SERINC4: variants seen among roughly 807,000 people sequenced by gnomAD.
SERINC4 encodes the protein serine incorporator 4.
In SERINC4, 52 loss-of-function variants were observed where a neutral mutation model predicts 52.0. The ratio of observed to expected loss-of-function variants is 1.00; its 90% CI spans 0.80 to 1.26. The LOEUF (loss-of-function observed/expected upper bound fraction) is 1.26, where lower values mean the gene tolerates loss of function less well. Ranked by LOEUF, SERINC4 falls within the 50% of genes most tolerant of loss-of-function variation. The pLI is 0.00. For missense variants in SERINC4, 723 were observed against 632.8 expected (o/e 1.14, Z -1.53); for synonymous variants, 264 against 247.7 (o/e 1.07, Z -0.62).
chr15:43,795,807 C>G, intron 9 of SERINC4, 71 bp from the exon 10 acceptor site: 1 of 1,518,572 alleles, frequency 6.6e-7, no homozygotes, highest in Non-Finnish European at 9.0e-7. Context: ...AAACTTCCCC[C>G]GTGAAAAGAT....
Position 43,795,375 on chromosome 15 carries a change from C to T in SERINC4, c.1343+13G>A. 1 of 1,614,002 alleles carries T rather than the reference C, an allele frequency of 6.2e-7. No homozygotes were observed. Among genetic ancestry groups the T allele is most frequent in the Non-Finnish European group, 8.5e-7 (1 of 1,179,882 alleles). ...GCTCTTCAGGAGAGTATCTAAGGCC[C>T]ACTCCATCTTACCTGAACCAGTTGG... On this transcript the variant is annotated intron_variant, in intron 11 of 11. Coordinates refer to ENST00000319327, the MANE Select transcript of SERINC4 (RefSeq NM_001258031.2).
rs1274038750 is a variant in SERINC4 at position 43,797,307 on chromosome 15, C to G, written c.682G>C (p.Ala228Pro). The change falls in exon 6 of 12, where the codon GCC becomes CCC. Residue 228 changes from alanine to proline, a missense_variant. By Grantham distance (27) the Ala-to-Pro change is conservative. Coordinates refer to ENST00000319327, the MANE Select transcript of SERINC4 (RefSeq NM_001258031.2). ...DCSWFLAVLLATLGFYSMAGV... is the reference protein window; with the variant it reads ...DCSWFLAVLLPTLGFYSMAGV... Reference sequence around the variant, plus strand: ...GCCATGCTGTAGAATCCTAGGGTGGCCAGCAGGACAGCCAGGAACCAGCTA... The same window carrying G: ...GCCATGCTGTAGAATCCTAGGGTGGGCAGCAGGACAGCCAGGAACCAGCTA... The G allele has an allele frequency of 2.6e-6, 4 of 1,549,320 alleles. No individual in the cohort carries two copies. The highest frequency in any genetic ancestry group is 1.4e-5 in the African/African-American group (1 of 72,978).
chr15:43,796,877 A>G lies in SERINC4; in HGVS notation c.908T>C (p.Phe303Ser). Residue 303 changes from phenylalanine to serine, a missense_variant, in exon 7 of 12, where the codon TTC (phenylalanine) becomes TCC (serine). Physicochemically the swap from Phe to Ser is radical, Grantham distance 155. Coordinates refer to ENST00000319327, the MANE Select transcript of SERINC4 (RefSeq NM_001258031.2). Reference protein sequence around the residue: ...VISCYIMYLTFSALSSRPPER... With the variant: ...VISCYIMYLTSSALSSRPPER... ...TGGAGGACGGCTGGACAGTGCAGAG[A>G]AAGTCAGATACATGATATAGCAGCT... is the stretch of plus-strand genomic sequence containing the variant. 1 of 1,614,118 alleles carries G rather than the reference A, an allele frequency of 6.2e-7. No homozygotes were observed. Among genetic ancestry groups the G allele is most frequent in the South Asian group, 1.1e-5 (1 of 91,078 alleles).
chr15:43,799,805 A>G (rs2087284175), intron 1 of SERINC4, 80 bp downstream of exon 1: 2 of 1,102,988 alleles, frequency 1.8e-6, no homozygotes. Context: ...ATTAGAGGAG[A>G]AAAGAGGCCT....
chr15:43,799,746 T>C, intron 1 of SERINC4, 139 bp downstream of exon 1: 2 of 837,266 alleles, frequency 2.4e-6, no homozygotes, highest in South Asian at 2.9e-5. Context: ...GCTGGAAACA[T>C]GGCGGGAGAG....
chr15:43,795,067 T>TG lies in SERINC4; in HGVS notation c.1489dup (p.Gln497ProfsTer17), dbSNP rs755434251. 1.3e-6 allele frequency: 2 copies of TG among 1,579,826 alleles called. No individual in the cohort carries two copies. The highest frequency in any genetic ancestry group is 1.7e-6 in the Non-Finnish European group (2 of 1,151,320). The stretch of plus-strand genomic sequence containing the variant: ...GCGGCGGCGCCTCAAGATAAGGGGC[T>TG]GGGGTTTCTGGGTGGGGGGCCAACA... On this transcript the variant is annotated frameshift_variant, in exon 12 of 12. Transcript: ENST00000319327. LOFTEE classifies it low-confidence loss of function (END_TRUNC).
At position 43,798,979 on chromosome 15, in the gene SERINC4, C is replaced by G; in HGVS notation, c.438G>C (p.Pro146=). Residue 146 remains proline (P), a synonymous_variant, in exon 3 of 12, where the codon CCG becomes CCC. Coordinates refer to ENST00000319327, the MANE Select transcript of SERINC4 (RefSeq NM_001258031.2). ...LLVHLHSPTS[P]RAQLHNSFWL... ...CAAACCTATTATGCAGCTGTGCCCG[C>G]GGGCTGGTGGGGGAGTGGAGGTGGA... 6.4e-7 allele frequency: 1 copy of G among 1,550,568 alleles called. No individual in the cohort carries two copies. The highest frequency in any genetic ancestry group is 8.7e-7 in the Non-Finnish European group (1 of 1,147,010).
At position 43,798,432 on chromosome 15, in the gene SERINC4, G is replaced by A; in HGVS notation, c.531C>T (p.Leu177=). Reference sequence around the variant, plus strand: ...GTGTGGGAGGGAGAGTACCTGGGAAGAGATGCTCATCAGGAATGCAGAAGG... The same window carrying A: ...GTGTGGGAGGGAGAGTACCTGGGAAAAGATGCTCATCAGGAATGCAGAAGG... The part of the protein sequence containing the change: ...AIAFCIPDEH[L]FPAWHYIGIC... The change falls in exon 4 of 12, where the codon CTC becomes CTT. Residue 177 remains leucine (L), a synonymous_variant. Transcript: ENST00000319327. 6.2e-7 allele frequency: 1 copy of A among 1,611,144 alleles called. No homozygotes were observed.
At chr15:43,795,273 T>C (rs1168332631) in intron 11 of SERINC4, 60 bp from the exon 12 acceptor site, 1 of 1,593,204 alleles carries the variant, frequency 6.3e-7, no homozygotes, top group Non-Finnish European at 8.6e-7. Flanking sequence ...AGACCTGTTC[T>C]ACCTCCTCAC....
intron 5 of SERINC4, 95 bp downstream of exon 5, chr15:43,797,825 G>A: frequency 2.4e-6 from 2 of 823,114 alleles, no homozygotes; most frequent in Non-Finnish European, 4.1e-6. Flanking sequence ...GAAGCTGTGG[G>A]ACCAGTGCTC....
In SERINC4 at chr15:43,797,447, C is replaced by T. The variant is rs1596047608; in HGVS notation, c.633-91G>A. The T allele has an allele frequency of 3.0e-5, 29 of 969,768 alleles. No individual in the cohort carries two copies. In the East Asian group the frequency reaches 7.6e-4, roughly 25 times the overall value. The allele number at this position is 969,768 out of a possible 1,614,324, so 60.1% of individuals were successfully genotyped here. On this transcript the variant is annotated intron_variant, in intron 5 of 11. Transcript: ENST00000319327. ...TTGCTCTGTTGCCCAGGCTGGAGTG[C>T]AATGGTGTGGTCTCAGCTCACTGCA...
rs538733011 is a variant in SERINC4 at position 43,799,443 on chromosome 15, G to A, written c.146C>T (p.Ser49Phe). ...GPAPCASCCH[S>F]RWPSLTASTC... is the part of the protein sequence containing the mutation. ...GGATGCGGTGAGAGAGGGCCACCTA[G>A]AGTGGCAGCAGCTGGCACAAGGAGC... The change falls in exon 2 of 12, where the codon TCT (serine) becomes TTT (phenylalanine). Residue 49 changes from serine (S) to phenylalanine (F), a missense_variant. By Grantham distance (155) the Ser-to-Phe change is radical (BLOSUM62 -2). Transcript: ENST00000319327. 4 of 1,550,630 alleles carry A rather than the reference G, an allele frequency of 2.6e-6. No homozygotes were observed. Among genetic ancestry groups the A allele is most frequent in the Non-Finnish European group, 3.5e-6 (4 of 1,146,956 alleles).
At position 43,798,121 on chromosome 15, in the gene SERINC4, C is replaced by G. The variant is rs1266093930; in HGVS notation, c.539-108G>C. 9.2e-6 allele frequency: 7 copies of G among 757,792 alleles called. No homozygotes were observed. The African/African-American group carries it at 1.2e-4, about 13-fold the overall frequency. 46.9% of individuals were successfully genotyped at this position (757,792 alleles called of 1,614,324 possible). ...CTAGAGTGCAGTGGTGTGATTTCAG[C>G]TCACTGCAACCTCTGCCTCCCGGGT... On this transcript the variant is annotated intron_variant, in intron 4 of 11. Coordinates refer to ENST00000319327, the MANE Select transcript of SERINC4 (RefSeq NM_001258031.2).
In SERINC4 at chr15:43,798,507, G is replaced by T; in HGVS notation, c.459-3C>A. ...ACAGCAGCTTGAGGAGCCAGAAGCT[G>T]GTTAGGAGGGAGAAAGAAAAACAGA... On this transcript the variant is annotated splice_region_variant and splice_polypyrimidine_tract_variant and intron_variant, in intron 3 of 11. Coordinates refer to ENST00000319327, the MANE Select transcript of SERINC4 (RefSeq NM_001258031.2). The T allele has an allele frequency of 6.2e-7, 1 of 1,610,152 alleles. No homozygotes were observed. Among genetic ancestry groups the T allele is most frequent in the Non-Finnish European group, 8.5e-7 (1 of 1,176,460 alleles).
intron 1 of SERINC4, 85 bp from the exon 2 acceptor site, chr15:43,799,571 G>A (rs1405960924): frequency 1.3e-6 from 2 of 1,493,434 alleles, no homozygotes; most frequent in South Asian, 2.4e-5. Context: ...GTTAACCCAG[G>A]AGGTTGAATT....
rs1283221521 is a variant in SERINC4 at position 43,798,829 on chromosome 15, G to A, written c.458+130C>T. On this transcript the variant is annotated intron_variant, in intron 3 of 11. Transcript: ENST00000319327. ...GCTCAAGGTTACACAGCAAGTACAC[G>A]AGAAGCAGGGACTTAAACCTGTTTT... 6.5e-6 allele frequency: 6 copies of A among 923,502 alleles called. No homozygotes were observed. The Admixed American group carries it at 6.6e-5, about 10-fold the overall frequency. 57.2% of individuals were successfully genotyped at this position (923,502 alleles called of 1,614,324 possible).
At position 43,796,143 on chromosome 15, in the gene SERINC4, C is replaced by G. The variant is rs531474536; in HGVS notation, c.1140+12G>C. 1.4e-5 allele frequency: 23 copies of G among 1,605,886 alleles called. No individual in the cohort carries two copies. Among genetic ancestry groups the G allele is most frequent in the Non-Finnish European group, 1.9e-5 (22 of 1,172,552 alleles). On this transcript the variant is annotated intron_variant, in intron 9 of 11. Coordinates refer to ENST00000319327, the MANE Select transcript of SERINC4 (RefSeq NM_001258031.2). ...GGGAGGGTGTTGGGGATATGGAGCT[C>G]TTTATCCTCACCTGAAACTCATAGC...
At position 43,796,716 on chromosome 15, in the gene SERINC4, G is replaced by A. The variant is rs1280978762; in HGVS notation, c.967C>T (p.Leu323=). Residue 323 remains leucine, a synonymous_variant, in exon 8 of 12, where the codon CTG becomes TTG. Coordinates refer to ENST00000319327, the MANE Select transcript of SERINC4 (RefSeq NM_001258031.2). ...RVILQGQNHT[L]CLPGLSKMEP... ...ATTTTACTCAGGCCAGGCAGGCACAGGGTGTGATTCTGTCCTTGAAGGATT... is the reference window on the plus strand; with the variant it reads ...ATTTTACTCAGGCCAGGCAGGCACAAGGTGTGATTCTGTCCTTGAAGGATT... 1 of 1,614,178 alleles carries A rather than the reference G, an allele frequency of 6.2e-7. No homozygotes were observed. The highest frequency in any genetic ancestry group is 2.2e-5 in the East Asian group (1 of 44,886).
chr15:43,796,493 G>A, intron 8 of SERINC4, 123 bp downstream of exon 8: 1 of 1,075,276 alleles, frequency 9.3e-7, no homozygotes. Context: ...CTGTTTGTGG[G>A]GAGCTTTTCT....
Sources: gnomAD v4.1 joint callset for allele counts on GRCh38, gnomAD v4.1.1 for gene constraint, MANE v1.5 for transcripts, NCBI Gene and HGNC (gene_info 2026-07-23, HGNC 2026-07-21) for gene names.